The following PRDM16 variants were observed in gnomAD, a reference collection of about 807,000 sequenced individuals.
PRDM16 encodes the protein PR/SET domain 16.
In PRDM16, 23 loss-of-function variants were observed where a neutral mutation model predicts 110.6. The ratio of observed to expected loss-of-function variants is 0.21; its 90% confidence interval spans 0.15 to 0.29. The LOEUF (loss-of-function observed/expected upper bound fraction) is 0.29, where lower values mean the gene tolerates loss of function less well. Among genes scored for constraint, PRDM16 ranks in the 10% least tolerant of loss-of-function variants. The pLI is 1.00. For synonymous variants in PRDM16, 799 were observed against 781.8 expected, an observed-to-expected ratio of 1.02 and a Z score of -0.37; for missense variants, 1,615 against 1,794.3, an observed-to-expected ratio of 0.90 and a Z score of 1.81.
At chr1:3,180,824 C>T (rs1644142735) in intron 1 of PRDM16, among the ~76,000 whole-genome samples, 1 of 152,102 alleles carries the variant, frequency 6.6e-6, no homozygotes, top group African/African-American at 2.4e-5. Context: ...TTTTCAGGTT[C>T]CCAACAGGGC....
chr1:3,381,115 A>G (rs1643094301), intron 3 of PRDM16, among the ~76,000 whole-genome samples: 1 of 152,274 alleles, frequency 6.6e-6, no homozygotes, highest in East Asian at 1.9e-4. Flanking sequence ...TCTGCTCACC[A>G]AAGGCTTCTC....
At chr1:3,274,986 G>A (rs1366260506) in intron 3 of PRDM16, among the ~76,000 whole-genome samples, 2 of 152,226 alleles carry the variant, frequency 1.3e-5, no homozygotes, top group Non-Finnish European at 1.5e-5. Flanking sequence ...GAAGGGTGTT[G>A]TGAATGCTTG....
chr1:3,437,146 C>T lies in PRDM16; in HGVS notation c.*3335C>T. 1 of 231,770 alleles carries T rather than the reference C, an allele frequency of 4.3e-6. No individual in the cohort carries two copies. Among genetic ancestry groups the T allele is most frequent in the East Asian group, 6.1e-5 (1 of 16,398 alleles). The allele number at this position is 231,770 out of a possible 1,614,324, so 14.4% of individuals were successfully genotyped here. ...CTGCCTGGGGCCCTGGGGTGTGGAG[C>T]AGTGGCTGGGGTGGGCGTGGTGTGG... On this transcript the variant is annotated 3_prime_UTR_variant, in exon 17 of 17. Coordinates refer to ENST00000270722, the MANE Select transcript of PRDM16 (RefSeq NM_022114.4).
intron 1 of PRDM16, among the ~76,000 whole-genome samples, chr1:3,074,658 G>C (rs1265789584): frequency 6.6e-6 from 1 of 152,170 alleles, no homozygotes; most frequent in East Asian, 1.9e-4. Context: ...CCTTGGTCGG[G>C]TGGCCTGGCC....
chr1:3,429,974 C>G (rs1049852314), intron 14 of PRDM16, among the ~76,000 whole-genome samples: 2 of 152,212 alleles, frequency 1.3e-5, no homozygotes, highest in Non-Finnish European at 2.9e-5. Flanking sequence ...GGAGGCAGTG[C>G]CCCCGGGCGG....
At chr1:3,196,467 GC>G (rs1355907174) in intron 2 of PRDM16, among the ~76,000 whole-genome samples, 2 of 152,264 alleles carry the variant, frequency 1.3e-5, no homozygotes, top group African/African-American at 4.8e-5. Context: ...AGACCCATGG[GC>G]CCTTGTGGGG....
chr1:3,144,909 C>T (rs1318902510), intron 1 of PRDM16, among the ~76,000 whole-genome samples: 1 of 152,196 alleles, frequency 6.6e-6, no homozygotes, highest in African/African-American at 2.4e-5. Context: ...ACCCAGAGGT[C>T]CTCACTCTCT....
chr1:3,126,439 G>T (rs963837917), intron 1 of PRDM16, among the ~76,000 whole-genome samples: 6 of 152,216 alleles, frequency 3.9e-5, no homozygotes, highest in Non-Finnish European at 5.9e-5. Flanking sequence ...GGACAGGCCT[G>T]GCTACCTGCA....
chr1:3,385,978 G>A (rs964495949), intron 4 of PRDM16, among the ~76,000 whole-genome samples: 6 of 152,214 alleles, frequency 3.9e-5, no homozygotes, highest in Admixed American at 2.6e-4. Flanking sequence ...GAGAAGACGC[G>A]GAGTCTCCTT....
intron 1 of PRDM16, among the ~76,000 whole-genome samples, chr1:3,172,434 G>A (rs1396165862): frequency 6.6e-6 from 1 of 152,156 alleles, no homozygotes; most frequent in African/African-American, 2.4e-5. Flanking sequence ...GGGTGGAATA[G>A]CCTGGGTTTT....
chr1:3,284,504 G>T (rs1310993214), intron 3 of PRDM16, among the ~76,000 whole-genome samples: 1 of 152,222 alleles, frequency 6.6e-6, no homozygotes, highest in Non-Finnish European at 1.5e-5. Flanking sequence ...CAAAGCAACT[G>T]CCAGGTGGGC....
At chr1:3,320,184 CA>C (rs1641707323) in intron 3 of PRDM16, among the ~76,000 whole-genome samples, 1 of 152,206 alleles carries the variant, frequency 6.6e-6, no homozygotes, top group Admixed American at 6.5e-5. Flanking sequence ...ACACATGTGC[CA>C]AATTATAAGA....
At chr1:3,278,442 G>T (rs888105949) in intron 3 of PRDM16, among the ~76,000 whole-genome samples, 1 of 152,236 alleles carries the variant, frequency 6.6e-6, no homozygotes, top group Admixed American at 6.5e-5. Context: ...GGAGGGGCCT[G>T]TGTGGAGTTC....
At chr1:3,169,276 G>A (rs1643996977) in intron 1 of PRDM16, among the ~76,000 whole-genome samples, 1 of 152,036 alleles carries the variant, frequency 6.6e-6, no homozygotes, top group Non-Finnish European at 1.5e-5. Context: ...GATTCCTAAG[G>A]CCCTTCCATC....
chr1:3,141,279 C>T (rs943953368), intron 1 of PRDM16, among the ~76,000 whole-genome samples: 1 of 152,198 alleles, frequency 6.6e-6, no homozygotes, highest in South Asian at 2.1e-4. Context: ...AATGTCATCA[C>T]AAGTCACCTA....
chr1:3,303,129 T>A lies in PRDM16; in HGVS notation c.438+58992T>A, dbSNP rs568954657. On this transcript the variant is annotated intron_variant, in intron 3 of 16. Transcript: ENST00000270722. ...TAATTTTCCCTTTGGAAGTGTTAGTTTTTGGTCACAGAGTGGCACACCACA... is the reference window on the plus strand; with the variant it reads ...TAATTTTCCCTTTGGAAGTGTTAGTATTTGGTCACAGAGTGGCACACCACA... Among the ~76,000 whole-genome samples the A allele has an allele frequency of 5.5e-4, 83 of 152,252 alleles. 1 individual carries two copies. The highest frequency in any genetic ancestry group is 1.2e-3 in the Admixed American group (18 of 15,300).
intron 2 of PRDM16, among the ~76,000 whole-genome samples, chr1:3,194,717 G>GCCACACGCCACCA (rs1638419005): frequency 2.4e-4 from 36 of 151,922 alleles, no homozygotes; most frequent in African/African-American, 7.3e-4. Context: ...ACACGCCACC[G>GCCACACGCCACCA]TCTCCCCGCC....
intron 3 of PRDM16, among the ~76,000 whole-genome samples, chr1:3,337,937 T>C (rs754148931): frequency 6.6e-6 from 1 of 152,124 alleles, no homozygotes; most frequent in Admixed American, 6.5e-5. Flanking sequence ...CACAGACACA[T>C]GTACACACAT....
At chr1:3,267,510 G>A (rs1044854643) in intron 3 of PRDM16, among the ~76,000 whole-genome samples, 1 of 152,164 alleles carries the variant, frequency 6.6e-6, no homozygotes, top group Admixed American at 6.5e-5. Flanking sequence ...CGTGGAGAGC[G>A]CCCTGGGTCT....
Sources: gnomAD v4.1 joint callset for allele counts (sites outside exome capture counted in the v4.1 genomes callset) on GRCh38, gnomAD v4.1.1 for gene constraint, MANE v1.5 for transcripts, NCBI Gene and HGNC (gene_info 2026-07-23, HGNC 2026-07-21) for gene names.